The following RAD54L2 variants were observed in gnomAD, a reference collection of about 807,000 sequenced individuals.
The protein encoded by RAD54L2 is RAD54 like 2, also known as helicase ARIP4.
RAD54L2 carries 27 observed loss-of-function variants against 138.4 expected under a neutral mutation model. The observed-to-expected ratio is 0.20, with a 90% confidence interval of 0.14 to 0.27. The LOEUF is 0.27. Among genes scored for constraint, RAD54L2 ranks in the 10% least tolerant of loss-of-function variants. RAD54L2 has a pLI of 1.00. For missense variants in RAD54L2, 1,396 were observed against 1,890.2 expected (o/e 0.74, Z 4.85); for synonymous variants, 644 against 723.2 (o/e 0.89, Z 1.76).
At chr3:51,602,744 A>G (rs1408346904) in intron 3 of RAD54L2, among the ~76,000 whole-genome samples, 2 of 152,146 alleles carry the variant, frequency 1.3e-5, no homozygotes, top group Non-Finnish European at 2.9e-5. Context: ...GGCATTGGGA[A>G]TGGGGAACAA....
rs557454490 is a variant in RAD54L2, at chr3:51,586,913, G to C, written c.-54-3454G>C. 1.4e-4 allele frequency among the ~76,000 whole-genome samples: 21 copies of C among 152,114 alleles called. 1 individual carries two copies. The South Asian group carries it at 4.4e-3, about 32-fold the overall frequency. ...GAGTCTAGGATGAAAGAGAGGGGTT[G>C]TGCTGTTTACAACCATTGACTTCCA... On this transcript the variant is annotated intron_variant, in intron 2 of 22. Coordinates refer to ENST00000684192, the MANE Select transcript of RAD54L2 (RefSeq NM_015106.4).
chr3:51,553,811 G>A (rs1374994379), intron 2 of RAD54L2, among the ~76,000 whole-genome samples: 1 of 152,170 alleles, frequency 6.6e-6, no homozygotes, highest in Non-Finnish European at 1.5e-5. Context: ...TGGCCTGGGC[G>A]ACAGAACAAG....
chr3:51,640,399 G>A (rs55706150), intron 14 of RAD54L2, among the ~76,000 whole-genome samples: 10,314 of 152,094 alleles, frequency 0.068, 910 homozygotes, highest in East Asian at 0.33. Context: ...CTTCTATCCC[G>A]CCCCAACCTT....
chr3:51,571,533 T>C (rs907862531), intron 2 of RAD54L2, among the ~76,000 whole-genome samples: 8 of 151,888 alleles, frequency 5.3e-5, no homozygotes, highest in African/African-American at 1.9e-4. Flanking sequence ...GGACTATAGG[T>C]GCATCACTAT....
chr3:51,590,639 C>T, intron 3 of RAD54L2, 80 bp downstream of exon 3: 1 of 1,544,720 alleles, frequency 6.5e-7, no homozygotes, highest in Non-Finnish European at 8.8e-7. Flanking sequence ...CTTGGCGTTT[C>T]CAGTTAGATT....
intron 18 of RAD54L2, 26 bp from the exon 19 acceptor site, chr3:51,646,259 A>C (rs749360454): frequency 3.9e-5 from 61 of 1,550,266 alleles, no homozygotes. Flanking sequence ...GTTGGTAACT[A>C]AATCAACATC....
chr3:51,668,283 A>T lies in RAD54L2; in HGVS notation c.*4863A>T, dbSNP rs1372689202. The T allele has an allele frequency of 2.0e-5, 3 of 152,186 alleles. No homozygotes were observed. Among genetic ancestry groups the T allele is most frequent in the African/African-American group, 7.2e-5 (3 of 41,420 alleles). 9.4% of individuals were successfully genotyped at this position (152,186 alleles called of 1,614,324 possible). A position where few individuals can be genotyped will look rare whatever the true frequency, so the allele number is the denominator to read the frequency against. ...TCCAGGTGGGTTAAGGGGGGTCGCT[A>T]TGGATAACCACTAAGACCAGACTGC... On this transcript the variant is annotated 3_prime_UTR_variant, in exon 23 of 23. Coordinates refer to ENST00000684192, the MANE Select transcript of RAD54L2 (RefSeq NM_015106.4).
intron 2 of RAD54L2, among the ~76,000 whole-genome samples, chr3:51,573,525 C>G (rs751911451): frequency 2.0e-5 from 3 of 152,094 alleles, no homozygotes; most frequent in Non-Finnish European, 4.4e-5. Context: ...CAACCTCCAC[C>G]TCCTGGGTTC....
intron 4 of RAD54L2, among the ~76,000 whole-genome samples, chr3:51,628,217 A>G (rs1700739803): frequency 6.6e-6 from 1 of 152,072 alleles, no homozygotes; most frequent in Admixed American, 6.6e-5. Flanking sequence ...CCAAATCCCC[A>G]ACAGTTCTTC....
intron 1 of RAD54L2, 134 bp from the exon 2 acceptor site, chr3:51,541,455 A>T (rs191535694): frequency 2.6e-5 from 4 of 152,316 alleles, no homozygotes; most frequent in African/African-American, 9.6e-5. Flanking sequence ...GTTTTGGTGT[A>T]TGTCTCAACG....
chr3:51,590,038 T>C (rs919448059), intron 2 of RAD54L2, among the ~76,000 whole-genome samples: 1 of 152,198 alleles, frequency 6.6e-6, no homozygotes, highest in Non-Finnish European at 1.5e-5. Context: ...TCGCTCAGGC[T>C]GGAATGCAGT....
chr3:51,590,936 G>A (rs1699825959), intron 3 of RAD54L2, among the ~76,000 whole-genome samples: 1 of 152,184 alleles, frequency 6.6e-6, no homozygotes, highest in Non-Finnish European at 1.5e-5. Context: ...GGGTAACTGT[G>A]AGTGGTCTGT....
chr3:51,639,570 T>C lies in RAD54L2; in HGVS notation c.2012T>C (p.Leu671Ser). Residue 671 changes from leucine (L) to serine (S), a missense_variant, in exon 13 of 23, where the codon TTG becomes TCG. Transcript: ENST00000684192. ...AAAGGCAAGGGAGAGGATAGCACCT[T>C]GGCTTCCTCGATGGGAGAGGCAACC... Reference protein sequence around the residue: ...GTKGKGEDSTLASSMGEATNS... With the variant: ...GTKGKGEDSTSASSMGEATNS... 1 of 1,614,002 alleles carries C rather than the reference T, an allele frequency of 6.2e-7. No homozygotes were observed. The highest frequency in any genetic ancestry group is 1.3e-5 in the African/African-American group (1 of 75,050).
intron 19 of RAD54L2, among the ~76,000 whole-genome samples, chr3:51,649,702 T>C (rs1326747365): frequency 3.9e-5 from 6 of 152,144 alleles, no homozygotes; most frequent in Admixed American, 3.3e-4. Context: ...AAACTAAGCT[T>C]CATAAGTGAA....
In RAD54L2 at chr3:51,638,362, G is replaced by T; in HGVS notation, c.1860+41G>T. 6.2e-7 allele frequency: 1 copy of T among 1,605,690 alleles called. No individual in the cohort carries two copies. Among genetic ancestry groups the T allele is most frequent in the Non-Finnish European group, 8.5e-7 (1 of 1,173,966 alleles). ...AGGGAAGATTGAGATGGGGACTAAG[G>T]ATACACATGGTCCCAAGGGAGTTAC... On this transcript the variant is annotated intron_variant, in intron 12 of 22. Coordinates refer to ENST00000684192, the MANE Select transcript of RAD54L2 (RefSeq NM_015106.4). The surrounding 1 kb of genome is among the most constrained non-coding windows in gnomAD (Gnocchi z 4.3).
chr3:51,567,991 G>T (rs955914222), intron 2 of RAD54L2, among the ~76,000 whole-genome samples: 1 of 151,636 alleles, frequency 6.6e-6, no homozygotes, highest in Admixed American at 6.6e-5. Flanking sequence ...ACATTTGGAT[G>T]TGAAGGTGAA....
At chr3:51,632,289 C>CTGTTGT (rs551445567) in intron 7 of RAD54L2, among the ~76,000 whole-genome samples, 2 of 151,872 alleles carry the variant, frequency 1.3e-5, no homozygotes, top group African/African-American at 2.4e-5. Context: ...AAAAACTCTT[C>CTGTTGT]TGTTGTTGTT....
At chr3:51,619,056 G>A (rs543957338) in intron 3 of RAD54L2, among the ~76,000 whole-genome samples, 2 of 151,626 alleles carry the variant, frequency 1.3e-5, no homozygotes, top group Non-Finnish European at 2.9e-5. Context: ...TATCTTTTTT[G>A]TTTGTTTGTT....
chr3:51,611,134 C>T (rs1286200662), intron 3 of RAD54L2, among the ~76,000 whole-genome samples: 2 of 151,716 alleles, frequency 1.3e-5, no homozygotes, highest in Admixed American at 1.3e-4. Flanking sequence ...AGATGAGAGA[C>T]CCTTGGAGGT....
Sources: gnomAD v4.1 joint callset for allele counts (sites outside exome capture counted in the v4.1 genomes callset) on GRCh38, gnomAD v4.1.1 for gene constraint, Gnocchi (gnomAD v3.1) non-coding constraint, MANE v1.5 for transcripts, NCBI Gene and HGNC (gene_info 2026-07-23, HGNC 2026-07-21) for gene names.